TGM3: variants seen among roughly 807,000 people sequenced by gnomAD.
TGM3 encodes transglutaminase 3.
In TGM3, 52 loss-of-function variants were observed where a neutral mutation model predicts 73.8. The ratio of observed to expected loss-of-function variants is 0.70; its 90% CI spans 0.56 to 0.89. TGM3 has a LOEUF of 0.89. TGM3 is among the 40% of genes least tolerant of loss of function. The probability of loss-of-function intolerance (pLI) is 0.00; values close to 1 mark genes in which losing one functional copy is unlikely to be tolerated. For missense variants in TGM3, 928 were observed against 909.9 expected, an observed-to-expected ratio of 1.02 and a Z score of -0.26; for synonymous variants, 372 against 354.9, an observed-to-expected ratio of 1.05 and a Z score of -0.54.
intron 1 of TGM3, among the ~76,000 whole-genome samples, chr20:2,304,659 A>G (rs1414809891): frequency 3.9e-5 from 6 of 152,020 alleles, no homozygotes; most frequent in Non-Finnish European, 7.4e-5. Context: ...CTTCCAGACT[A>G]CTCTTAATAC....
intron 7 of TGM3, among the ~76,000 whole-genome samples, chr20:2,319,666 G>A (rs924997220): frequency 1.1e-4 from 17 of 152,280 alleles, no homozygotes; most frequent in African/African-American, 3.6e-4. Flanking sequence ...AGGCGCAGAA[G>A]CTCTGACTGT....
In TGM3 at chr20:2,311,840, G is replaced by T. The variant is rs577976861; in HGVS notation, c.540+711G>T. Among the ~76,000 whole-genome samples, 3 of 152,050 alleles carry T rather than the reference G, an allele frequency of 2.0e-5. No individual in the cohort carries two copies. In the East Asian group the frequency reaches 5.8e-4, roughly 29 times the overall value. Reference sequence around the variant, plus strand: ...GAGAGGCTATTTTTTTTTATGGCATGGTTAGGGAGGGCCTCACTTAGAAAG... The same window carrying T: ...GAGAGGCTATTTTTTTTTATGGCATTGTTAGGGAGGGCCTCACTTAGAAAG... On this transcript the variant is annotated intron_variant, in intron 4 of 12. Coordinates refer to ENST00000381458, the MANE Select transcript of TGM3 (RefSeq NM_003245.4).
chr20:2,340,033 C>CGGGGGGCTGGGGGGGGGGGGGGGGGG, intron 12 of TGM3, 46 bp downstream of exon 12: 1 of 196,588 alleles, frequency 5.1e-6, no homozygotes, highest in Non-Finnish European at 9.7e-6. Flanking sequence ...CGGGAGGGGG[C>CGGGGGGCTGGGGGGGGGGGGGGGGGG]GGGGGGGCCC....
chr20:2,298,346 A>T (rs214768), intron 1 of TGM3, among the ~76,000 whole-genome samples: 3 of 151,958 alleles, frequency 2.0e-5, no homozygotes, highest in Non-Finnish European at 4.4e-5. Flanking sequence ...GTTTGTGAGC[A>T]CAGAGGAGGG....
At chr20:2,310,498 G>T (rs1187578930) in intron 3 of TGM3, 81 bp downstream of exon 3, 3 of 1,560,278 alleles carry the variant, frequency 1.9e-6, no homozygotes, top group Non-Finnish European at 1.7e-6. Flanking sequence ...ATCTTCACAG[G>T]CTCAAGTTTG....
chr20:2,317,504 C>T lies in TGM3; in HGVS notation c.983+19C>T, dbSNP rs2084241263. On this transcript the variant is annotated intron_variant, in intron 7 of 12. Coordinates refer to ENST00000381458, the MANE Select transcript of TGM3 (RefSeq NM_003245.4). ...GCGTATGGTAAGTATCTCACCTTTT[C>T]CCTGAACTTCGAGCACCACATTTGA... 3.1e-6 allele frequency: 5 copies of T among 1,613,240 alleles called. No individual in the cohort carries two copies. The highest frequency in any genetic ancestry group is 4.2e-6 in the Non-Finnish European group (5 of 1,179,452).
At chr20:2,312,852 T>C in intron 4 of TGM3, 46 bp from the exon 5 acceptor site, 3 of 1,610,688 alleles carry the variant, frequency 1.9e-6, no homozygotes, top group East Asian at 4.5e-5. Context: ...GAGCCAACTC[T>C]CCTTGTCATT....
In TGM3 at chr20:2,319,797, C is replaced by T. The variant is rs139135072; in HGVS notation, c.983+2312C>T. 5.3e-3 allele frequency among the ~76,000 whole-genome samples: 805 copies of T among 152,342 alleles called. 5 individuals carry two copies. Among genetic ancestry groups the T allele is most frequent in the African/African-American group, 0.018 (753 of 41,580 alleles). ...ACAGCTGATGGTTGGGGGAGCCAGC[C>T]CTGGAGGGCATGAGGACAGGGAGTC... On this transcript the variant is annotated intron_variant, in intron 7 of 12. Transcript: ENST00000381458.
chr20:2,339,249 T>C (rs1416794060), intron 11 of TGM3, among the ~76,000 whole-genome samples: 1 of 152,212 alleles, frequency 6.6e-6, no homozygotes, highest in African/African-American at 2.4e-5. Flanking sequence ...GGGCTGCCCT[T>C]TTCAACACCT....
intron 9 of TGM3, among the ~76,000 whole-genome samples, chr20:2,331,578 T>C (rs1600706979): frequency 6.6e-6 from 1 of 152,360 alleles, no homozygotes; most frequent in Non-Finnish European, 1.5e-5. Context: ...AAGTCAGTTC[T>C]AAATCATCAC....
At chr20:2,304,711 C>T (rs533064664) in intron 1 of TGM3, among the ~76,000 whole-genome samples, 15 of 152,156 alleles carry the variant, frequency 9.9e-5, no homozygotes, top group Non-Finnish European at 2.1e-4. Flanking sequence ...TCATACCAAG[C>T]GATTTGCAGT....
In TGM3 at chr20:2,340,850, G is replaced by A. The variant is rs1450131628; in HGVS notation, c.*269G>A. 5.0e-6 allele frequency: 3 copies of A among 596,232 alleles called. No individual in the cohort carries two copies. Among genetic ancestry groups the A allele is most frequent in the Non-Finnish European group, 9.4e-6 (3 of 317,816 alleles). The allele number at this position is 596,232 out of a possible 1,614,324, so 36.9% of individuals were successfully genotyped here. A position where few individuals can be genotyped will look rare whatever the true frequency, so the allele number is the denominator to read the frequency against. On this transcript the variant is annotated 3_prime_UTR_variant, in exon 13 of 13. Coordinates refer to ENST00000381458, the MANE Select transcript of TGM3 (RefSeq NM_003245.4). ...CCTGCTCTGTGAGCCCCACAGCCCTGCTCATTCCTCACGCCCTTCAATGCT... is the reference window on the plus strand; with the variant it reads ...CCTGCTCTGTGAGCCCCACAGCCCTACTCATTCCTCACGCCCTTCAATGCT...
rs539736947 is a variant in TGM3 at position 2,311,000 on chromosome 20, G to A, written c.422-11G>A. The A allele has an allele frequency of 9.9e-6, 16 of 1,610,208 alleles. No homozygotes were observed. In the African/African-American group the frequency reaches 1.2e-4, roughly 12 times the overall value. On this transcript the variant is annotated splice_polypyrimidine_tract_variant and intron_variant, in intron 3 of 12. Coordinates refer to ENST00000381458, the MANE Select transcript of TGM3 (RefSeq NM_003245.4). ...TTCTAGTCGCTGGTGTCTGCTTTTT[G>A]TATCAAATAGTGGATAGCGTCTTTA...
intron 1 of TGM3, among the ~76,000 whole-genome samples, chr20:2,308,733 A>C (rs2084187323): frequency 1.3e-5 from 2 of 152,238 alleles, no homozygotes; most frequent in Non-Finnish European, 2.9e-5. Context: ...AGGCATTGCA[A>C]ATACAGGGAA....
At position 2,310,390 on chromosome 20, in the gene TGM3, A is replaced by G; in HGVS notation, c.394A>G (p.Ile132Val). The change falls in exon 3 of 13, where the codon ATA becomes GTA. Residue 132 changes from isoleucine to valine, a missense_variant. By Grantham distance (29) the Ile-to-Val change is conservative. Transcript: ENST00000381458. ...GISSVKLGTF[I>V]LLFNPWLNVD... ...CTCCTCTGTGAAACTTGGGACGTTC[A>G]TACTGCTTTTTAACCCCTGGCTGAA... is the stretch of plus-strand genomic sequence containing the variant. 3 of 1,614,226 alleles carry G rather than the reference A, an allele frequency of 1.9e-6. No individual in the cohort carries two copies. Among genetic ancestry groups the G allele is most frequent in the Non-Finnish European group, 2.5e-6 (3 of 1,180,034 alleles).
chr20:2,326,185 G>T (rs1432022707), intron 8 of TGM3, among the ~76,000 whole-genome samples: 1 of 152,252 alleles, frequency 6.6e-6, no homozygotes, highest in Non-Finnish European at 1.5e-5. Context: ...CAGAGCCTTG[G>T]CACAGGCCAG....
At chr20:2,337,714 C>T (rs7353254) in intron 11 of TGM3, among the ~76,000 whole-genome samples, 42,501 of 150,680 alleles carry the variant, frequency 0.28, 6,278 homozygotes, top group East Asian at 0.41. Context: ...AGTGAGACTC[C>T]GTCAAAAAAA....
Position 2,325,720 on chromosome 20 carries a change from C to T in TGM3, c.984-129C>T, listed in dbSNP as rs755046244. 7.8e-5 allele frequency: 54 copies of T among 694,686 alleles called. 1 individual carries two copies. Among genetic ancestry groups the T allele is most frequent in the South Asian group, 2.9e-4 (17 of 58,514 alleles). 43.0% of individuals were successfully genotyped at this position (694,686 alleles called of 1,614,324 possible). On this transcript the variant is annotated intron_variant, in intron 7 of 12. Transcript: ENST00000381458. ...GATGCTCACCAGGGCTTAGCATAAC[C>T]GCCGTCACAGGGCAAACTCACTCGA...
Position 2,312,271 on chromosome 20 carries a change from G to A in TGM3, c.541-627G>A, listed in dbSNP as rs556222515. 7.3e-5 allele frequency among the ~76,000 whole-genome samples: 11 copies of A among 151,338 alleles called. No individual in the cohort carries two copies. In the South Asian group the frequency reaches 8.4e-4, roughly 12 times the overall value. The stretch of plus-strand genomic sequence containing the variant: ...AAAAATTGGCCAGGTGTGGTGGCAC[G>A]GGCCTGTAATCCCAGCTACTTGGGA... On this transcript the variant is annotated intron_variant, in intron 4 of 12. Transcript: ENST00000381458.
Sources: gnomAD v4.1 joint callset for allele counts (sites outside exome capture counted in the v4.1 genomes callset) on GRCh38, gnomAD v4.1.1 for gene constraint, MANE v1.5 for transcripts, NCBI Gene and HGNC (gene_info 2026-07-23, HGNC 2026-07-21) for gene names.